The following TM9SF2 variants were observed in gnomAD, a reference collection of about 807,000 sequenced individuals.
TM9SF2 encodes 76 kDa membrane protein.
In TM9SF2, 13 loss-of-function variants were observed where a neutral mutation model predicts 84.9. The observed-to-expected ratio is 0.15, with a 90% CI of 0.10 to 0.24. The LOEUF (loss-of-function observed/expected upper bound fraction) is 0.24, where lower values mean the gene tolerates loss of function less well. TM9SF2 is among the 10% of genes least tolerant of loss of function. The pLI is 1.00. For missense variants in TM9SF2, 562 were observed against 818.5 expected (o/e 0.69, Z 3.82); for synonymous variants, 273 against 285.8 (o/e 0.96, Z 0.45).
intron 12 of TM9SF2, among the ~76,000 whole-genome samples, chr13:99,550,755 T>G (rs1309010273): frequency 6.6e-6 from 1 of 152,208 alleles, no homozygotes; most frequent in South Asian, 2.1e-4. Flanking sequence ...TTGATAATAT[T>G]GAGCATTGTT....
intron 12 of TM9SF2, among the ~76,000 whole-genome samples, chr13:99,551,726 A>G (rs2046306189): frequency 6.6e-6 from 1 of 152,252 alleles, no homozygotes; most frequent in Admixed American, 6.5e-5. Flanking sequence ...ATATTTAACA[A>G]GGAATTAGTA....
intron 1 of TM9SF2, among the ~76,000 whole-genome samples, chr13:99,508,445 C>CACACACACACACACA (rs1566562106): frequency 3.0e-4 from 30 of 99,676 alleles, no homozygotes; most frequent in African/African-American, 1.2e-3. Context: ...ACACACACAC[C>CACACACACACACACA]CCAGAGATTC....
intron 11 of TM9SF2, among the ~76,000 whole-genome samples, chr13:99,547,776 G>A (rs1005478831): frequency 6.6e-6 from 1 of 152,184 alleles, no homozygotes; most frequent in African/African-American, 2.4e-5. Flanking sequence ...GCCTCCTCGG[G>A]AATGCCACAG....
chr13:99,522,688 A>G (rs1198210540), intron 3 of TM9SF2, among the ~76,000 whole-genome samples: 1 of 152,210 alleles, frequency 6.6e-6, no homozygotes, highest in Non-Finnish European at 1.5e-5. Flanking sequence ...TAATGCCCTT[A>G]GTGAACTGGG....
chr13:99,561,948 G>A (rs1357953902), intron 16 of TM9SF2, among the ~76,000 whole-genome samples: 1 of 151,966 alleles, frequency 6.6e-6, no homozygotes, highest in African/African-American at 2.4e-5. Context: ...CAAATTCTTT[G>A]GAATCTAGAC....
intron 1 of TM9SF2, among the ~76,000 whole-genome samples, chr13:99,507,129 G>T (rs1480608017): frequency 6.6e-6 from 1 of 152,192 alleles, no homozygotes; most frequent in Non-Finnish European, 1.5e-5. Context: ...TTTAGATGAG[G>T]AAACAGAAGC....
intron 4 of TM9SF2, among the ~76,000 whole-genome samples, chr13:99,530,749 C>T (rs573427235): frequency 6.6e-6 from 1 of 152,228 alleles, no homozygotes; most frequent in South Asian, 2.1e-4. Flanking sequence ...GTAAACATGA[C>T]ATAACATTAA....
intron 1 of TM9SF2, among the ~76,000 whole-genome samples, chr13:99,515,503 G>T (rs1754364032): frequency 6.6e-6 from 1 of 152,154 alleles, no homozygotes; most frequent in African/African-American, 2.4e-5. Flanking sequence ...GAGGTGTAGG[G>T]GCCACATATG....
Position 99,501,512 on chromosome 13 carries a change from A to G in TM9SF2, c.-95A>G. 6.8e-7 allele frequency: 1 copy of G among 1,466,248 alleles called. No homozygotes were observed. Among genetic ancestry groups the G allele is most frequent in the Non-Finnish European group, 9.1e-7 (1 of 1,093,200 alleles). 90.8% of individuals were successfully genotyped at this position (1,466,248 alleles called of 1,614,324 possible). A position where few individuals can be genotyped will look rare whatever the true frequency, so the allele number is the denominator to read the frequency against. ...AGCCTTCTGGGGGCCGGCTTCCTTT[A>G]TCTCTGGCGGCCTTGTAGTCGTCTC... On this transcript the variant is annotated 5_prime_UTR_variant, in exon 1 of 17. Transcript: ENST00000376387.
chr13:99,554,208 A>G, intron 13 of TM9SF2, 96 bp from the exon 14 acceptor site: 1 of 1,438,724 alleles, frequency 7.0e-7, no homozygotes, highest in Non-Finnish European at 9.4e-7. Context: ...GTGACAACAT[A>G]GAAGCTGAAA....
chr13:99,513,785 T>A (rs962604215), intron 1 of TM9SF2, among the ~76,000 whole-genome samples: 6 of 152,198 alleles, frequency 3.9e-5, no homozygotes, highest in African/African-American at 1.4e-4. Flanking sequence ...GAAAATTACA[T>A]GAGAATAAAA....
chr13:99,511,327 G>A (rs1274592668), intron 1 of TM9SF2, among the ~76,000 whole-genome samples: 1 of 151,944 alleles, frequency 6.6e-6, no homozygotes, highest in Non-Finnish European at 1.5e-5. Flanking sequence ...GACATCTGTG[G>A]CATACTTTCA....
chr13:99,556,930 T>G (rs1233011084), intron 15 of TM9SF2, among the ~76,000 whole-genome samples: 1 of 152,256 alleles, frequency 6.6e-6, no homozygotes, highest in Non-Finnish European at 1.5e-5. Flanking sequence ...GTTTATCCAT[T>G]TATCCATTGG....
rs201589285 is a variant in TM9SF2, at chr13:99,539,417, G to A, written c.717-29G>A. ...ATTTTTAAAAAGTTGTACTTTATCA[G>A]CATCTTGCCAAAATGTTTCTTCCCA... On this transcript the variant is annotated intron_variant, in intron 6 of 16. Transcript: ENST00000376387. 704 of 1,392,608 alleles carry A rather than the reference G, an allele frequency of 5.1e-4. 5 individuals are homozygous for A. The highest frequency in any genetic ancestry group is 8.1e-5 in the Non-Finnish European group (80 of 982,064). The allele number at this position is 1,392,608 out of a possible 1,614,324, so 86.3% of individuals were successfully genotyped here.
intron 1 of TM9SF2, among the ~76,000 whole-genome samples, chr13:99,514,724 A>T (rs575617838): frequency 5.2e-5 from 8 of 152,382 alleles, no homozygotes; most frequent in Non-Finnish European, 8.8e-5. Flanking sequence ...AATTAAATAC[A>T]ACTTAAAATT....
In TM9SF2 at chr13:99,529,450, A is replaced by G; in HGVS notation, c.334-17A>G. On this transcript the variant is annotated splice_polypyrimidine_tract_variant and intron_variant, in intron 3 of 16. Transcript: ENST00000376387. ...GATATTTTTTCTGAATTTGCTTTCC[A>G]CTTCCTTTTAATACAGTTTACGTTT... is the stretch of plus-strand genomic sequence containing the variant. The G allele has an allele frequency of 6.7e-7, 1 of 1,494,034 alleles. No homozygotes were observed. Among genetic ancestry groups the G allele is most frequent in the Non-Finnish European group, 8.9e-7 (1 of 1,126,430 alleles). 92.5% of individuals were successfully genotyped at this position (1,494,034 alleles called of 1,614,324 possible).
At chr13:99,532,129 G>T (rs1011398853) in intron 4 of TM9SF2, among the ~76,000 whole-genome samples, 4 of 151,138 alleles carry the variant, frequency 2.6e-5, no homozygotes, top group Non-Finnish European at 4.4e-5. Flanking sequence ...TCGGCTCACT[G>T]CAAGCTCCGC....
At chr13:99,540,309 G>A (rs967329296) in intron 7 of TM9SF2, among the ~76,000 whole-genome samples, 3 of 151,030 alleles carry the variant, frequency 2.0e-5, no homozygotes, top group African/African-American at 7.3e-5. Flanking sequence ...GATATTAAGA[G>A]CTCAGTGTGC....
intron 3 of TM9SF2, among the ~76,000 whole-genome samples, chr13:99,520,586 CCAGA>C (rs915526070): frequency 6.6e-6 from 1 of 151,260 alleles, no homozygotes; most frequent in Non-Finnish European, 1.5e-5. Context: ...TTTTTTTTTT[CCAGA>C]CAGAGTCTTG....
Sources: allele counts gnomAD v4.1 joint callset (sites outside exome capture counted in the v4.1 genomes callset), GRCh38; gene constraint gnomAD v4.1.1; transcripts MANE v1.5; gene names NCBI Gene and HGNC (gene_info 2026-07-23, HGNC 2026-07-21).